The following HEATR5A variants were observed in gnomAD, a reference collection of about 807,000 sequenced individuals.
HEATR5A encodes HEAT repeat containing 5A, also known as HEAT repeat-containing protein 5A.
Under a neutral mutation model 218.8 loss-of-function variants are expected in HEATR5A, and 178 were observed. That is an observed-to-expected ratio of 0.81 (90% CI 0.72 to 0.92). The LOEUF (loss-of-function observed/expected upper bound fraction) is 0.92. HEATR5A is among the 40% of genes least tolerant of loss of function. The pLI is 0.00. For synonymous variants in HEATR5A, 864 were observed against 871.6 expected, an observed-to-expected ratio of 0.99 and a Z score of 0.15; for missense variants, 2,420 against 2,418.9, an observed-to-expected ratio of 1.00 and a Z score of -0.01.
chr14:31,297,150 G>A (rs1218091224), intron 33 of HEATR5A: 1 of 152,204 alleles, frequency 6.6e-6, no homozygotes, highest in African/African-American at 2.4e-5. Context: ...TCCAGATGTG[G>A]TGGTGCATGA....
Position 31,291,894 on chromosome 14 carries a change from A to G in HEATR5A, c.*1411T>C, listed in dbSNP as rs531031182. On this transcript the variant is annotated 3_prime_UTR_variant, in exon 36 of 36. Coordinates refer to ENST00000543095, the MANE Select transcript of HEATR5A (RefSeq NM_015473.4). ...ACAATTTACAATAGTATTTATATAC[A>G]AACATAATAAAATAGGTACATCACA... 6.6e-6 allele frequency: 1 copy of G among 152,274 alleles called. No individual in the cohort carries two copies. Among genetic ancestry groups the G allele is most frequent in the African/African-American group, 2.4e-5 (1 of 41,488 alleles). 9.4% of individuals were successfully genotyped at this position (152,274 alleles called of 1,614,324 possible). A position where few individuals can be genotyped will look rare whatever the true frequency, so the allele number is the denominator to read the frequency against.
chr14:31,348,325 C>T (rs1200261555), intron 18 of HEATR5A, among the ~76,000 whole-genome samples: 1 of 152,092 alleles, frequency 6.6e-6, no homozygotes, highest in Admixed American at 6.5e-5. Flanking sequence ...CCTGTACTCT[C>T]AGCACTTTGG....
intron 1 of HEATR5A, among the ~76,000 whole-genome samples, chr14:31,413,785 GGAA>G (rs1398304806): frequency 1.3e-5 from 2 of 152,158 alleles, no homozygotes; most frequent in Admixed American, 1.3e-4. Context: ...CTACTTAAGT[GGAA>G]GAAGAAGGTA....
intron 22 of HEATR5A, among the ~76,000 whole-genome samples, chr14:31,331,107 A>C (rs894526246): frequency 6.6e-6 from 1 of 151,596 alleles, no homozygotes; most frequent in African/African-American, 2.4e-5. Context: ...CGCATGGCTA[A>C]GTTTTGTATT....
chr14:31,323,845 AAG>A (rs764440294), intron 23 of HEATR5A, 41 bp from the exon 24 acceptor site: 8 of 1,244,220 alleles, frequency 6.4e-6, no homozygotes, highest in Admixed American at 2.3e-5. Flanking sequence ...AATCAACTGA[AAG>A]ATATATATAT....
At chr14:31,384,561 C>T (rs1466443088) in intron 9 of HEATR5A, among the ~76,000 whole-genome samples, 3 of 145,862 alleles carry the variant, frequency 2.1e-5, no homozygotes, top group Non-Finnish European at 3.0e-5. Flanking sequence ...GCATCTTGCT[C>T]TGTCACCCAG....
At chr14:31,391,172 T>G (rs1027956740) in intron 6 of HEATR5A, among the ~76,000 whole-genome samples, 1 of 152,226 alleles carries the variant, frequency 6.6e-6, no homozygotes, top group Non-Finnish European at 1.5e-5. Context: ...ATGTTACTAT[T>G]ATTTCTAGAG....
chr14:31,419,625 C>A (rs1033197213), intron 1 of HEATR5A, among the ~76,000 whole-genome samples: 2 of 152,148 alleles, frequency 1.3e-5, no homozygotes, highest in Non-Finnish European at 2.9e-5. Flanking sequence ...CACATAAAAA[C>A]AATGGATAAC....
intron 28 of HEATR5A, among the ~76,000 whole-genome samples, chr14:31,311,684 T>TA (rs1311572219): frequency 4.5e-4 from 69 of 151,672 alleles, no homozygotes; most frequent in African/African-American, 1.2e-3. Context: ...TATATATATA[T>TA]AAAAAAGATT....
chr14:31,326,486 G>T, intron 22 of HEATR5A, 144 bp from the exon 23 acceptor site: 1 of 629,892 alleles, frequency 1.6e-6, no homozygotes, highest in Non-Finnish European at 2.7e-6. Flanking sequence ...AATCTACTGA[G>T]ATCCATTTTA....
At chr14:31,320,362 G>A in intron 25 of HEATR5A, 1 of 898,402 alleles carries the variant, frequency 1.1e-6, no homozygotes, top group Non-Finnish European at 1.9e-6. Context: ...TAATCAAGCT[G>A]CCAAACACCG....
intron 3 of HEATR5A, 147 bp from the exon 4 acceptor site, chr14:31,398,928 T>G (rs2030762179): frequency 1.7e-6 from 1 of 599,228 alleles, no homozygotes; most frequent in Admixed American, 3.1e-5. Flanking sequence ...AACACAAACA[T>G]ATTTAATTGT....
At chr14:31,317,921 T>A (rs1899964276) in intron 26 of HEATR5A, among the ~76,000 whole-genome samples, 1 of 152,180 alleles carries the variant, frequency 6.6e-6, no homozygotes, top group South Asian at 2.1e-4. Context: ...GGGGAATTTA[T>A]CTCACAGATA....
intron 1 of HEATR5A, among the ~76,000 whole-genome samples, chr14:31,406,600 A>G (rs2031070042): frequency 6.6e-6 from 1 of 152,182 alleles, no homozygotes; most frequent in Admixed American, 6.5e-5. Flanking sequence ...GACTTCAGAT[A>G]AGATTTGTTT....
At position 31,302,462 on chromosome 14, in the gene HEATR5A, G is replaced by A; in HGVS notation, c.5297C>T (p.Thr1766Ile). 1.7e-5 allele frequency: 27 copies of A among 1,596,774 alleles called. No individual in the cohort carries two copies. Among genetic ancestry groups the A allele is most frequent in the Non-Finnish European group, 2.2e-5 (26 of 1,170,762 alleles). Residue 1766 changes from threonine (T) to isoleucine (I), a missense_variant, in exon 33 of 36, where the codon ACT (threonine) becomes ATT (isoleucine). Coordinates refer to ENST00000543095, the MANE Select transcript of HEATR5A (RefSeq NM_015473.4). ...CTGGCCCCCAGGTAACTTCACAGCAGTCTCTCTGAGGACCCCGATTGTGAG... is the reference window on the plus strand; with the variant it reads ...CTGGCCCCCAGGTAACTTCACAGCAATCTCTCTGAGGACCCCGATTGTGAG... ...LYLTIGVLRE[T>I]AVKLPGGQLS...
intron 33 of HEATR5A, among the ~76,000 whole-genome samples, chr14:31,300,295 CTTTTTTTT>C (rs367648392): frequency 6.8e-6 from 1 of 147,200 alleles, no homozygotes; most frequent in Non-Finnish European, 1.5e-5. Context: ...TTCTTTTTTT[CTTTTTTTT>C]TTGAGACAGT....
At chr14:31,326,463 A>T (rs1900269097) in intron 22 of HEATR5A, 121 bp from the exon 23 acceptor site, 1 of 713,308 alleles carries the variant, frequency 1.4e-6, no homozygotes, top group African/African-American at 1.8e-5. Context: ...AACTAGCCCA[A>T]ATACTGTGCT....
chr14:31,382,783 T>C (rs1267432384), intron 10 of HEATR5A, among the ~76,000 whole-genome samples: 2 of 149,874 alleles, frequency 1.3e-5, no homozygotes, highest in African/African-American at 4.9e-5. Flanking sequence ...TATTATCTAG[T>C]ATGTTTTAAT....
At chr14:31,361,272 C>T (rs766250418) in intron 14 of HEATR5A, among the ~76,000 whole-genome samples, 1 of 151,724 alleles carries the variant, frequency 6.6e-6, no homozygotes, top group Non-Finnish European at 1.5e-5. Flanking sequence ...TATGGGATAC[C>T]AATATATACA....
Sources: gnomAD v4.1 joint callset for allele counts (sites outside exome capture counted in the v4.1 genomes callset) on GRCh38, gnomAD v4.1.1 for gene constraint, MANE v1.5 for transcripts, NCBI Gene and HGNC (gene_info 2026-07-23, HGNC 2026-07-21) for gene names.